Variants in ANKRD50 observed in about 807,000 individuals in gnomAD.
ANKRD50 encodes the protein ankyrin repeat domain 50.
ANKRD50 carries 40 observed loss-of-function variants against 112.0 expected under a neutral mutation model. That is an observed-to-expected ratio of 0.36 (90% CI 0.28 to 0.46). The LOEUF (loss-of-function observed/expected upper bound fraction) is 0.46, where lower values mean the gene tolerates loss of function less well. Ranked by LOEUF, ANKRD50 falls within the 20% of genes least tolerant of loss-of-function variation. The pLI is 1.00. For synonymous variants in ANKRD50, 613 were observed against 619.1 expected, an observed-to-expected ratio of 0.99 and a Z score of 0.15; for missense variants, 1,487 against 1,701.7, an observed-to-expected ratio of 0.87 and a Z score of 2.22.
At chr4:124,703,221 T>G (rs1725431213) in intron 2 of ANKRD50, among the ~76,000 whole-genome samples, 1 of 152,036 alleles carries the variant, frequency 6.6e-6, no homozygotes. Flanking sequence ...ATACCTAAAA[T>G]ACATCATTTA....
chr4:124,693,829 ATTTG>A (rs1424849010), intron 2 of ANKRD50, among the ~76,000 whole-genome samples: 1 of 152,170 alleles, frequency 6.6e-6, no homozygotes, highest in Non-Finnish European at 1.5e-5. Context: ...TAGTAATGAG[ATTTG>A]TTTTGATGCT....
intron 2 of ANKRD50, among the ~76,000 whole-genome samples, chr4:124,691,461 C>T (rs1367520660): frequency 7.1e-5 from 9 of 126,496 alleles, no homozygotes; most frequent in African/African-American, 2.4e-4. Context: ...CACTGCAGTC[C>T]GCAGTCCGGC....
At chr4:124,705,871 AAAGT>A (rs1251005943) in intron 2 of ANKRD50, among the ~76,000 whole-genome samples, 1 of 152,212 alleles carries the variant, frequency 6.6e-6, no homozygotes, top group Admixed American at 6.5e-5. Flanking sequence ...TTTGGCTCTC[AAAGT>A]AAGTAAAAAT....
At position 124,666,093 on chromosome 4, in the gene ANKRD50, A is replaced by G. The variant is rs1302299290; in HGVS notation, c.*1425T>C. The G allele has an allele frequency of 6.6e-6, 1 of 152,196 alleles. No homozygotes were observed. The highest frequency in any genetic ancestry group is 2.4e-5 in the African/African-American group (1 of 41,420). The allele number at this position is 152,196 out of a possible 1,614,324, so 9.4% of individuals were successfully genotyped here. On this transcript the variant is annotated 3_prime_UTR_variant, in exon 5 of 5. Coordinates refer to ENST00000504087, the MANE Select transcript of ANKRD50 (RefSeq NM_020337.3). ...AGAATTTCTGGGTTCTATAAGATTA[A>G]CAGGCCCATTCTAAGATCAAATCCA...
intron 2 of ANKRD50, among the ~76,000 whole-genome samples, chr4:124,697,082 A>C (rs1298960154): frequency 6.6e-6 from 1 of 152,210 alleles, no homozygotes; most frequent in East Asian, 1.9e-4. Context: ...GAGAAGACTA[A>C]GGGAGCAGCA....
In ANKRD50 at chr4:124,671,351, A is replaced by C. The variant is rs149200338; in HGVS notation, c.1926T>G (p.Ala642=). The change falls in exon 4 of 5, where the codon GCT becomes GCG. Residue 642 remains alanine (A), a synonymous_variant. Coordinates refer to ENST00000504087, the MANE Select transcript of ANKRD50 (RefSeq NM_020337.3). The part of the protein sequence containing the change: ...YAGVKVDCAD[A]DSRTALRAAA... ...CTGCTCTCAAAGCTGTTCGGCTATC[A>C]GCATCTGCACAATCCACTTTTACGC... is the stretch of plus-strand genomic sequence containing the variant. The C allele has an allele frequency of 1.9e-6, 3 of 1,613,886 alleles. No individual in the cohort carries two copies. The highest frequency in any genetic ancestry group is 2.5e-6 in the Non-Finnish European group (3 of 1,179,868).
rs1440161293 is a variant in ANKRD50, at chr4:124,671,127, G to C, written c.2150C>G (p.Ala717Gly). Residue 717 changes from alanine (A) to glycine (G), a missense_variant, in exon 4 of 5, where the codon GCT becomes GGT. This residue lies in a region of ANKRD50 where 1,046 missense variants were observed against 1,269.5 expected (regional missense o/e 0.82). Coordinates refer to ENST00000504087, the MANE Select transcript of ANKRD50 (RefSeq NM_020337.3). ...DVDGRTALSV[A>G]ALCVPASKGH... ...TTTACTTGCAGGCACACAAAGTGCA[G>C]CTACAGAGAGTGCAGTCCTGCCATC... 1 of 1,613,728 alleles carries C rather than the reference G, an allele frequency of 6.2e-7. No homozygotes were observed. The highest frequency in any genetic ancestry group is 1.3e-5 in the African/African-American group (1 of 74,876).
rs371516395 is a variant in ANKRD50, at chr4:124,670,525, G to T, written c.2752C>A (p.Arg918=). The T allele has an allele frequency of 3.1e-6, 5 of 1,613,220 alleles. No homozygotes were observed. Among genetic ancestry groups the T allele is most frequent in the Non-Finnish European group, 4.2e-6 (5 of 1,179,774 alleles). Residue 918 remains arginine (R), a synonymous_variant, in exon 4 of 5, where the codon CGG becomes AGG. Transcript: ENST00000504087. ...CTGTGCCCTTCTAATGCAGCAACCC[G>T]CAGTGCATTTCTTCCATCATAACCT... The part of the protein sequence containing the change: ...QRGYDGRNAL[R]VAALEGHRDI...
chr4:124,698,289 A>C (rs1725299015), intron 2 of ANKRD50, among the ~76,000 whole-genome samples: 1 of 152,170 alleles, frequency 6.6e-6, no homozygotes, highest in East Asian at 1.9e-4. Context: ...CTATGTAGAT[A>C]TAAATGCAGG....
intron 2 of ANKRD50, among the ~76,000 whole-genome samples, chr4:124,701,781 C>T (rs1381333351): frequency 2.0e-5 from 3 of 151,932 alleles, no homozygotes; most frequent in East Asian, 3.9e-4. Flanking sequence ...CCACCTCAGC[C>T]TCCCACACGT....
intron 2 of ANKRD50, among the ~76,000 whole-genome samples, chr4:124,693,831 T>C (rs1725191250): frequency 6.6e-6 from 1 of 152,168 alleles, no homozygotes; most frequent in Non-Finnish European, 1.5e-5. Context: ...GTAATGAGAT[T>C]TGTTTTGATG....
intron 2 of ANKRD50, among the ~76,000 whole-genome samples, chr4:124,698,171 AGGTGG>A (rs911929279): frequency 2.0e-5 from 3 of 151,878 alleles, no homozygotes; most frequent in African/African-American, 7.2e-5. Context: ...TGAGTAGGTG[AGGTGG>A]GGTGGGATCT....
chr4:124,693,430 A>G (rs578247819), intron 2 of ANKRD50, among the ~76,000 whole-genome samples: 12 of 152,238 alleles, frequency 7.9e-5, no homozygotes, highest in Non-Finnish European at 1.6e-4. Flanking sequence ...ATTATTATAT[A>G]ATTAATATCA....
At chr4:124,681,131 C>T (rs981566102) in intron 2 of ANKRD50, among the ~76,000 whole-genome samples, 1 of 151,768 alleles carries the variant, frequency 6.6e-6, no homozygotes, top group Non-Finnish European at 1.5e-5. Flanking sequence ...AGATATGAGG[C>T]CAATGCTTAG....
chr4:124,682,350 AAGAATGCAC>A (rs1724909882), intron 2 of ANKRD50, among the ~76,000 whole-genome samples: 2 of 146,826 alleles, frequency 1.4e-5, no homozygotes, highest in Non-Finnish European at 3.0e-5. Flanking sequence ...AAAAAAAAAA[AAGAATGCAC>A]ATACTGTTGT....
chr4:124,688,487 C>T (rs1725055505), intron 2 of ANKRD50, among the ~76,000 whole-genome samples: 2 of 152,124 alleles, frequency 1.3e-5, no homozygotes, highest in South Asian at 2.1e-4. Context: ...CTGTACTCTA[C>T]AAACAGTAAA....
intron 2 of ANKRD50, among the ~76,000 whole-genome samples, chr4:124,707,887 T>C (rs936652664): frequency 6.6e-6 from 1 of 152,148 alleles, no homozygotes; most frequent in African/African-American, 2.4e-5. Flanking sequence ...GGAAAATCTA[T>C]GATACCATAG....
intron 2 of ANKRD50, among the ~76,000 whole-genome samples, chr4:124,701,458 TTTA>T (rs1490500343): frequency 6.6e-6 from 1 of 152,224 alleles, no homozygotes; most frequent in Admixed American, 6.5e-5. Flanking sequence ...AATACTTAGC[TTTA>T]TTAAGCAATT....
intron 2 of ANKRD50, among the ~76,000 whole-genome samples, chr4:124,699,672 A>C: frequency 6.6e-6 from 1 of 152,172 alleles, no homozygotes; most frequent in Admixed American, 6.5e-5. Flanking sequence ...GATAAAAATT[A>C]ATTTCAATGT....
Sources: gnomAD v4.1 joint callset for allele counts (sites outside exome capture counted in the v4.1 genomes callset) on GRCh38, gnomAD v4.1.1 for gene constraint, gnomAD v4.1.1 regional missense constraint, MANE v1.5 for transcripts, NCBI Gene and HGNC (gene_info 2026-07-23, HGNC 2026-07-21) for gene names.